DRAM1: variants seen among roughly 807,000 people sequenced by gnomAD.
DRAM1 encodes the protein DNA damage regulated autophagy modulator 1.
Under a neutral mutation model 28.5 loss-of-function variants are expected in DRAM1, and 25 were observed. The observed-to-expected ratio is 0.88, with a 90% CI of 0.64 to 1.23. DRAM1 has a LOEUF of 1.23. Among genes scored for constraint, DRAM1 ranks in the 50% most tolerant of loss-of-function variants. The pLI is 0.00. For synonymous variants in DRAM1, 113 were observed against 114.2 expected, an observed-to-expected ratio of 0.99 and a Z score of 0.07; for missense variants, 249 against 299.2, an observed-to-expected ratio of 0.83 and a Z score of 1.24.
At chr12:101,901,985 T>A (rs1873623102) in intron 3 of DRAM1, among the ~76,000 whole-genome samples, 1 of 152,096 alleles carries the variant, frequency 6.6e-6, no homozygotes, top group South Asian at 2.1e-4. Context: ...TTTGCATTGC[T>A]CCATGTTGTC....
chr12:101,906,664 G>T (rs895370290), intron 3 of DRAM1, among the ~76,000 whole-genome samples: 1 of 151,918 alleles, frequency 6.6e-6, no homozygotes, highest in South Asian at 2.1e-4. Flanking sequence ...GACCAGCCTG[G>T]CCAACATGGA....
rs537095896 is a variant in DRAM1 at position 101,908,074 on chromosome 12, A to C, written c.343-112A>C. On this transcript the variant is annotated intron_variant, in intron 3 of 6. Transcript: ENST00000258534. ...AGTCAAACAGCCACATTTTCCAAGAAGTGGTGCATCTGTGATGACCAATGG... is the reference window on the plus strand; with the variant it reads ...AGTCAAACAGCCACATTTTCCAAGACGTGGTGCATCTGTGATGACCAATGG... 1.3e-5 allele frequency: 11 copies of C among 845,306 alleles called. No individual in the cohort carries two copies. In the South Asian group the frequency reaches 1.9e-4, roughly 15 times the overall value. The allele number at this position is 845,306 out of a possible 1,614,324, so 52.4% of individuals were successfully genotyped here.
At chr12:101,919,296 A>ACG (rs1874382873) in intron 5 of DRAM1, among the ~76,000 whole-genome samples, 1 of 136,652 alleles carries the variant, frequency 7.3e-6, no homozygotes, top group Non-Finnish European at 1.5e-5. Flanking sequence ...ACACACACAC[A>ACG]CACACACACG....
At chr12:101,899,681 C>CA (rs55642593) in intron 2 of DRAM1, among the ~76,000 whole-genome samples, 3,261 of 102,682 alleles carry the variant, frequency 0.032, 129 homozygotes, top group African/African-American at 0.088. Context: ...CCTGTCTCCA[C>CA]AAAAAAAAAA....
In DRAM1 at chr12:101,923,587, G is replaced by A. The variant is rs1874565565; in HGVS notation, c.*2327G>A. ...GGGATTTACTCTGCTTTACCAGTTA[G>A]TTTCATAATAAACAAATAGTCTGTA... On this transcript the variant is annotated 3_prime_UTR_variant, in exon 7 of 7. Transcript: ENST00000258534. 1 of 152,204 alleles carries A rather than the reference G, an allele frequency of 6.6e-6. No individual in the cohort carries two copies. The highest frequency in any genetic ancestry group is 1.5e-5 in the Non-Finnish European group (1 of 68,036). 9.4% of individuals were successfully genotyped at this position (152,204 alleles called of 1,614,324 possible).
At chr12:101,920,297 C>CTTTTTTTTT (rs373899697) in intron 6 of DRAM1, 96 bp downstream of exon 6, 203 of 277,190 alleles carry the variant, frequency 7.3e-4, no homozygotes, top group South Asian at 2.0e-3. Context: ...AGAGCACTTT[C>CTTTTTTTTT]TTTTTTTTTT....
chr12:101,908,815 G>A (rs963629437), intron 4 of DRAM1, among the ~76,000 whole-genome samples: 1 of 149,136 alleles, frequency 6.7e-6, no homozygotes, highest in East Asian at 2.0e-4. Flanking sequence ...AGTTTCAGGG[G>A]CTTGACTAAA....
chr12:101,896,599 A>G (rs1300927324), intron 1 of DRAM1, among the ~76,000 whole-genome samples: 2 of 152,108 alleles, frequency 1.3e-5, no homozygotes, highest in Non-Finnish European at 2.9e-5. Context: ...CCCTGTCTCT[A>G]AAAAATAAAA....
At chr12:101,884,147 G>A (rs188221165) in intron 1 of DRAM1, among the ~76,000 whole-genome samples, 1 of 152,064 alleles carries the variant, frequency 6.6e-6, no homozygotes, top group Non-Finnish European at 1.5e-5. Flanking sequence ...AGCACTTTGG[G>A]AGGCTGAAGT....
intron 1 of DRAM1, among the ~76,000 whole-genome samples, chr12:101,886,801 A>G (rs886154322): frequency 1.3e-5 from 2 of 152,196 alleles, no homozygotes; most frequent in Non-Finnish European, 2.9e-5. Context: ...TTAATGCAAT[A>G]CATATTAACT....
At chr12:101,917,771 A>C (rs976849971) in intron 5 of DRAM1, among the ~76,000 whole-genome samples, 2 of 135,210 alleles carry the variant, frequency 1.5e-5, no homozygotes, top group Non-Finnish European at 3.1e-5. Flanking sequence ...ACCTAGGCAA[A>C]AGGCAGGTTT....
intron 1 of DRAM1, among the ~76,000 whole-genome samples, chr12:101,879,341 T>C (rs77008574): frequency 0.11 from 16,764 of 152,292 alleles, 975 homozygotes; most frequent in Middle Eastern, 0.18. Context: ...ATAGGTAGAA[T>C]AGTGCAAATT....
intron 5 of DRAM1, among the ~76,000 whole-genome samples, chr12:101,917,411 G>A (rs1469757150): frequency 2.0e-5 from 3 of 152,192 alleles, no homozygotes; most frequent in African/African-American, 7.2e-5. Context: ...TTCTTGGCCG[G>A]GTGCGGTGGC....
chr12:101,878,585 G>A (rs1304096400), intron 1 of DRAM1, among the ~76,000 whole-genome samples: 1 of 152,216 alleles, frequency 6.6e-6, no homozygotes, highest in Non-Finnish European at 1.5e-5. Flanking sequence ...CATCTTTTGT[G>A]TTATTTTACC....
At chr12:101,881,736 TTGA>T (rs1378843692) in intron 1 of DRAM1, among the ~76,000 whole-genome samples, 1 of 152,230 alleles carries the variant, frequency 6.6e-6, no homozygotes, top group Non-Finnish European at 1.5e-5. Flanking sequence ...TGTTATCATC[TTGA>T]TGAGACCTGC....
At chr12:101,906,808 T>G (rs1278385189) in intron 3 of DRAM1, among the ~76,000 whole-genome samples, 1 of 141,214 alleles carries the variant, frequency 7.1e-6, no homozygotes, top group Non-Finnish European at 1.5e-5. Flanking sequence ...TGAGCTGAGA[T>G]CTCATCACTG....
chr12:101,897,906 A>G lies in DRAM1; in HGVS notation c.175A>G (p.Met59Val), dbSNP rs1284824920. The G allele has an allele frequency of 6.2e-7, 1 of 1,608,092 alleles. No individual in the cohort carries two copies. The highest frequency in any genetic ancestry group is 8.5e-7 in the Non-Finnish European group (1 of 1,175,140). Residue 59 changes from methionine (M) to valine (V), a missense_variant, in exon 2 of 7, where the codon ATG (methionine) becomes GTG (valine). Physicochemically the swap from Met to Val is conservative, Grantham distance 21. Transcript: ENST00000258534. ...TCCAGAGAGTGGTATTTTTGGATTT[A>G]TGATAAACTTCTCTGCATTTCTTGG... ...TPPESGIFGFMINFSAFLGAA... is the reference protein window; with the variant it reads ...TPPESGIFGFVINFSAFLGAA...
chr12:101,908,308 G>T lies in DRAM1; in HGVS notation c.465G>T (p.Ser155=). Residue 155 remains serine, a synonymous_variant, in exon 4 of 7, where the codon TCG becomes TCT. Transcript: ENST00000258534. Reference sequence around the variant, plus strand: ...CATGTCCCCAGTGGAACAGTCTCTCGACATGCCACATACGGATGGTCATCT... The same window carrying T: ...CATGTCCCCAGTGGAACAGTCTCTCTACATGCCACATACGGATGGTCATCT... ...YKSCPQWNSL[S]TCHIRMVISA... is the part of the protein sequence containing the mutation. 1.2e-6 allele frequency: 2 copies of T among 1,614,092 alleles called. No homozygotes were observed. The highest frequency in any genetic ancestry group is 1.7e-6 in the Non-Finnish European group (2 of 1,180,020).
chr12:101,889,980 C>T (rs558955200), intron 1 of DRAM1: 30 of 412,358 alleles, frequency 7.3e-5, no homozygotes, highest in South Asian at 5.0e-4. Flanking sequence ...GTAATGAGTA[C>T]TTTCTAATGT....
Sources: allele counts gnomAD v4.1 joint callset (sites outside exome capture counted in the v4.1 genomes callset), GRCh38; gene constraint gnomAD v4.1.1; transcripts MANE v1.5; gene names NCBI Gene and HGNC (gene_info 2026-07-23, HGNC 2026-07-21).